Variants in COL19A1 observed in about 807,000 individuals in gnomAD.
The protein encoded by COL19A1 is collagen alpha-1(XIX) chain.
COL19A1 carries 159 observed loss-of-function variants against 190.2 expected under a neutral mutation model. The observed-to-expected ratio is 0.84, with a 90% CI of 0.73 to 0.95. COL19A1 has a LOEUF of 0.95. COL19A1 is among the 40% of genes least tolerant of loss of function. The probability of loss-of-function intolerance (pLI) is 0.00; values close to 1 mark genes in which losing one functional copy is unlikely to be tolerated. For synonymous variants in COL19A1, 509 were observed against 458.9 expected (o/e 1.11, Z -1.39); for missense variants, 1,418 against 1,431.9 (o/e 0.99, Z 0.16).
intron 16 of COL19A1, among the ~76,000 whole-genome samples, chr6:70,118,547 T>C (rs982028226): frequency 6.6e-6 from 1 of 152,150 alleles, no homozygotes; most frequent in African/African-American, 2.4e-5. Flanking sequence ...AACTTGCAAT[T>C]TGTGGTACCC....
At chr6:70,085,312 G>A (rs1265261899) in intron 15 of COL19A1, among the ~76,000 whole-genome samples, 2 of 152,156 alleles carry the variant, frequency 1.3e-5, no homozygotes, top group African/African-American at 2.4e-5. Flanking sequence ...CTGTACCTCA[G>A]TGTAGAGCTG....
intron 48 of COL19A1, among the ~76,000 whole-genome samples, chr6:70,196,617 G>C (rs1261403963): frequency 6.6e-6 from 1 of 152,150 alleles, no homozygotes; most frequent in Non-Finnish European, 1.5e-5. Flanking sequence ...ATTAATGTCT[G>C]TATTATATTA....
At chr6:69,909,311 C>T (rs751716968) in intron 4 of COL19A1, among the ~76,000 whole-genome samples, 7 of 152,146 alleles carry the variant, frequency 4.6e-5, no homozygotes, top group South Asian at 2.1e-4. Flanking sequence ...GTATAAGATA[C>T]GGTTCTTGCC....
At chr6:69,925,774 TG>T (rs1202017464) in intron 4 of COL19A1, among the ~76,000 whole-genome samples, 1 of 152,178 alleles carries the variant, frequency 6.6e-6, no homozygotes, top group African/African-American at 2.4e-5. Context: ...AGCAGTGGTT[TG>T]TAGTTCTCCT....
At chr6:69,930,340 G>A (rs550069000) in intron 6 of COL19A1, among the ~76,000 whole-genome samples, 1 of 152,148 alleles carries the variant, frequency 6.6e-6, no homozygotes, top group African/African-American at 2.4e-5. Flanking sequence ...AACAAGGTCT[G>A]TAATCTTAAA....
chr6:70,070,279 A>G (rs769738314), intron 15 of COL19A1, among the ~76,000 whole-genome samples: 3 of 152,238 alleles, frequency 2.0e-5, no homozygotes, highest in African/African-American at 4.8e-5. Context: ...TTAAACATGT[A>G]TTTTCCATGA....
intron 11 of COL19A1, among the ~76,000 whole-genome samples, chr6:69,972,981 G>T (rs2150056879): frequency 6.6e-6 from 1 of 152,144 alleles, no homozygotes; most frequent in East Asian, 1.9e-4. Flanking sequence ...GTTTTGTTAA[G>T]GAAATTTATT....
At chr6:69,921,077 C>CAT (rs369829346) in intron 4 of COL19A1, among the ~76,000 whole-genome samples, 4 of 75,504 alleles carry the variant, frequency 5.3e-5, no homozygotes, top group Admixed American at 1.7e-4. Flanking sequence ...ATAGACATAT[C>CAT]ATATATATTC....
intron 6 of COL19A1, among the ~76,000 whole-genome samples, chr6:69,930,011 T>C (rs571689861): frequency 6.6e-6 from 1 of 152,144 alleles, no homozygotes; most frequent in African/African-American, 2.4e-5. Flanking sequence ...ATAAACTTGG[T>C]CTAAGTTCAT....
rs573430875 is a variant in COL19A1 at position 70,126,834 on chromosome 6, G to C, written c.1342-3348G>C. 2.1e-3 allele frequency among the ~76,000 whole-genome samples: 321 copies of C among 152,288 alleles called. 5 individuals are homozygous for C. The highest frequency in any genetic ancestry group is 9.1e-4 in the Non-Finnish European group (62 of 68,028). On this transcript the variant is annotated intron_variant, in intron 17 of 50. Transcript: ENST00000620364. ...CTTCCAGGTCTCTCTCCTAGCCTCT[G>C]GTGGTTCCTTGGCCATCTTCACTTC... is the stretch of plus-strand genomic sequence containing the variant.
chr6:69,939,662 G>T (rs1490967276), intron 9 of COL19A1, among the ~76,000 whole-genome samples: 1 of 152,100 alleles, frequency 6.6e-6, no homozygotes, highest in African/African-American at 2.4e-5. Context: ...CCAGCCTAGT[G>T]TCTCTATCCT....
At chr6:70,031,899 G>A (rs987854293) in intron 12 of COL19A1, among the ~76,000 whole-genome samples, 6 of 152,178 alleles carry the variant, frequency 3.9e-5, no homozygotes, top group East Asian at 3.9e-4. Context: ...GTTCCTTGAG[G>A]ACGGGAACCT....
chr6:70,181,632 T>C (rs115225750), intron 44 of COL19A1, among the ~76,000 whole-genome samples: 3,183 of 150,018 alleles, frequency 0.021, 131 homozygotes, highest in African/African-American at 0.074. Context: ...TTTTGCATTC[T>C]AATATAGGAA....
At chr6:70,142,741 A>G in intron 22 of COL19A1, 26 bp from the exon 23 acceptor site, 1 of 1,591,770 alleles carries the variant, frequency 6.3e-7, no homozygotes. Context: ...TAGCAAAGCT[A>G]AAGTATATAC....
chr6:70,197,827 T>C (rs1767306392), intron 48 of COL19A1, among the ~76,000 whole-genome samples: 1 of 152,210 alleles, frequency 6.6e-6, no homozygotes, highest in Non-Finnish European at 1.5e-5. Context: ...ATTTCCATTC[T>C]GCATGCTTTG....
chr6:70,173,200 A>C (rs1765598099), intron 41 of COL19A1, among the ~76,000 whole-genome samples: 1 of 152,234 alleles, frequency 6.6e-6, no homozygotes, highest in African/African-American at 2.4e-5. Flanking sequence ...TTAGACAGCA[A>C]AGTGAAGGTA....
intron 11 of COL19A1, among the ~76,000 whole-genome samples, chr6:69,990,732 G>A (rs1160558756): frequency 6.6e-6 from 1 of 151,980 alleles, no homozygotes; most frequent in African/African-American, 2.4e-5. Context: ...TTCATAAATT[G>A]TATGGTGGTG....
intron 14 of COL19A1, among the ~76,000 whole-genome samples, chr6:70,054,154 A>G (rs965857928): frequency 1.3e-5 from 2 of 152,196 alleles, no homozygotes; most frequent in Admixed American, 1.3e-4. Flanking sequence ...GTTCGAGACC[A>G]GCCTGGTTAA....
intron 15 of COL19A1, among the ~76,000 whole-genome samples, chr6:70,092,555 A>T (rs932025621): frequency 2.0e-5 from 3 of 152,192 alleles, no homozygotes; most frequent in Non-Finnish European, 2.9e-5. Context: ...ATGCAATTTA[A>T]TCCATTAAAT....
Sources: gnomAD v4.1 joint callset for allele counts (sites outside exome capture counted in the v4.1 genomes callset) on GRCh38, gnomAD v4.1.1 for gene constraint, MANE v1.5 for transcripts, NCBI Gene and HGNC (gene_info 2026-07-23, HGNC 2026-07-21) for gene names.